Variants in MYZAP observed in about 807,000 individuals in gnomAD.
MYZAP encodes myocardial zonula adherens protein.
In MYZAP, 66 loss-of-function variants were observed where a neutral mutation model predicts 69.4. The observed-to-expected ratio is 0.95, with a 90% confidence interval of 0.78 to 1.17. MYZAP has a LOEUF of 1.17. MYZAP is among the 50% of genes most tolerant of loss of function. The pLI, the probability that MYZAP is intolerant of heterozygous loss-of-function variation, is 0.00. For missense variants in MYZAP, 611 were observed against 556.2 expected, an observed-to-expected ratio of 1.10 and a Z score of -0.99; for synonymous variants, 256 against 205.9, an observed-to-expected ratio of 1.24 and a Z score of -2.09.
intron 11 of MYZAP, among the ~76,000 whole-genome samples, chr15:57,673,346 G>C (rs1370210882): frequency 2.0e-5 from 3 of 152,134 alleles, no homozygotes; most frequent in African/African-American, 7.2e-5. Context: ...TCCAGCAAAG[G>C]CAGGCGTCTT....
At chr15:57,670,170 G>A (rs1407694202) in intron 11 of MYZAP, among the ~76,000 whole-genome samples, 1 of 151,956 alleles carries the variant, frequency 6.6e-6, no homozygotes, top group African/African-American at 2.4e-5. Context: ...CTTGGATTTT[G>A]TGTAATTGTC....
At chr15:57,675,169 C>G in intron 12 of MYZAP, 101 bp downstream of exon 12, 1 of 1,090,612 alleles carries the variant, frequency 9.2e-7, no homozygotes. Flanking sequence ...TTCTTCCTAT[C>G]ACAAATATTT....
At chr15:57,681,803 AG>A (rs2039460947) in intron 12 of MYZAP, among the ~76,000 whole-genome samples, 1 of 151,138 alleles carries the variant, frequency 6.6e-6, no homozygotes, top group Non-Finnish European at 1.5e-5. Flanking sequence ...AAAGCTATGG[AG>A]GTGTCAGAAG....
intron 2 of MYZAP, among the ~76,000 whole-genome samples, chr15:57,612,414 A>C (rs1437158394): frequency 6.6e-6 from 1 of 152,116 alleles, no homozygotes; most frequent in Non-Finnish European, 1.5e-5. Flanking sequence ...ATGCTGATTG[A>C]CCAAGGGATT....
At chr15:57,637,615 T>C in intron 8 of MYZAP, 80 bp from the exon 9 acceptor site, 2 of 1,496,676 alleles carry the variant, frequency 1.3e-6, no homozygotes, top group Middle Eastern at 4.6e-4. Context: ...TTGGACTCCC[T>C]AGTGCTAGAA....
intron 12 of MYZAP, among the ~76,000 whole-genome samples, chr15:57,675,376 C>T (rs1322215270): frequency 1.3e-5 from 2 of 152,126 alleles, no homozygotes; most frequent in African/African-American, 4.8e-5. Flanking sequence ...AGTACCTTCC[C>T]TGTGCCAGAC....
intron 2 of MYZAP, among the ~76,000 whole-genome samples, chr15:57,610,389 C>T (rs1471032080): frequency 2.0e-5 from 3 of 152,218 alleles, no homozygotes; most frequent in African/African-American, 2.4e-5. Flanking sequence ...TATACAACCT[C>T]GCGGGCTGTT....
In MYZAP at chr15:57,621,205, C is replaced by CTTTTTTTTTTTT. The variant is rs61201214; in HGVS notation, c.319-398_319-387dup. Among the ~76,000 whole-genome samples, 145 of 127,286 alleles carry CTTTTTTTTTTTT rather than the reference C, an allele frequency of 1.1e-3. 1 individual carries two copies. The highest frequency in any genetic ancestry group is 1.4e-3 in the Non-Finnish European group (86 of 61,972). The allele number at this position is 127,286 out of a possible 152,430, so 83.5% of individuals were successfully genotyped here. A position where few individuals can be genotyped will look rare whatever the true frequency, so the allele number is the denominator to read the frequency against. On this transcript the variant is annotated intron_variant, in intron 3 of 12. Transcript: ENST00000267853. ...TTATGTGGGGTCCTTCTTTCTTTTT[C>CTTTTTTTTTTTT]TTTTTTTTTTTTTTTTGTTTTTTGA...
At chr15:57,607,997 A>G (rs1030567870) in intron 2 of MYZAP, among the ~76,000 whole-genome samples, 1 of 152,160 alleles carries the variant, frequency 6.6e-6, no homozygotes, top group Non-Finnish European at 1.5e-5. Context: ...AAAACTCTGG[A>G]TGACCCTCCC....
At chr15:57,665,086 C>A (rs1328436576) in intron 11 of MYZAP, among the ~76,000 whole-genome samples, 1 of 152,216 alleles carries the variant, frequency 6.6e-6, no homozygotes, top group Admixed American at 6.5e-5. Flanking sequence ...ATCACTCTTT[C>A]TCTTTTGCTC....
At chr15:57,645,768 G>A (rs979848172) in intron 10 of MYZAP, among the ~76,000 whole-genome samples, 2 of 152,160 alleles carry the variant, frequency 1.3e-5, no homozygotes, top group Non-Finnish European at 2.9e-5. Context: ...TGGGAGTCTT[G>A]TTGGCCACAT....
At chr15:57,598,796 C>T (rs571819379) in intron 1 of MYZAP, among the ~76,000 whole-genome samples, 7 of 152,142 alleles carry the variant, frequency 4.6e-5, no homozygotes, top group African/African-American at 7.2e-5. Context: ...TGGAACTTGC[C>T]GACATCTGTG....
intron 8 of MYZAP, among the ~76,000 whole-genome samples, chr15:57,637,219 A>G (rs1461115370): frequency 1.3e-5 from 2 of 152,236 alleles, no homozygotes; most frequent in African/African-American, 4.8e-5. Context: ...GAATCAGGAC[A>G]TGGACATCTT....
intron 12 of MYZAP, among the ~76,000 whole-genome samples, chr15:57,675,976 T>G (rs1176226857): frequency 3.3e-5 from 5 of 151,924 alleles, no homozygotes; most frequent in Admixed American, 3.3e-4. Flanking sequence ...TCTAGAAAAA[T>G]GTCGAATCCT....
chr15:57,652,950 T>A (rs1244003038), intron 10 of MYZAP, among the ~76,000 whole-genome samples: 2 of 152,224 alleles, frequency 1.3e-5, no homozygotes, highest in African/African-American at 4.8e-5. Flanking sequence ...TTCATAGCCC[T>A]AGTAATCTCG....
Position 57,614,739 on chromosome 15 carries a change from G to A in MYZAP, c.163-3294G>A, listed in dbSNP as rs182945313. Among the ~76,000 whole-genome samples, 8 of 152,224 alleles carry A rather than the reference G, an allele frequency of 5.3e-5. No individual in the cohort carries two copies. The East Asian group carries it at 1.4e-3, about 26-fold the overall frequency. On this transcript the variant is annotated intron_variant, in intron 2 of 12. Transcript: ENST00000267853. ...AGACCCTGGGATGCTACATGGAGAC[G>A]TGAGTTCCAGTTGTTCTCCTGACTG...
chr15:57,600,298 G>A (rs2034328360), intron 1 of MYZAP, among the ~76,000 whole-genome samples: 1 of 152,196 alleles, frequency 6.6e-6, no homozygotes, highest in Non-Finnish European at 1.5e-5. Context: ...TTTGATCAAA[G>A]CACCTCTGTT....
chr15:57,618,091 G>A lies in MYZAP; in HGVS notation c.221G>A (p.Gly74Asp). ...AAACTTCCTCAGGGTGTTGTTTATG[G>A]TGTGGTGCGAAGATCAGATCAAAAT... is the stretch of plus-strand genomic sequence containing the variant. ...TRKLPQGVVY[G>D]VVRRSDQNQQ... The change falls in exon 3 of 13, where the codon GGT (glycine) becomes GAT (aspartate). Residue 74 changes from glycine (G) to aspartate (D), a missense_variant. Coordinates refer to ENST00000267853, the MANE Select transcript of MYZAP (RefSeq NM_001018100.5). The A allele has an allele frequency of 6.2e-7, 1 of 1,614,140 alleles. No homozygotes were observed. The highest frequency in any genetic ancestry group is 8.5e-7 in the Non-Finnish European group (1 of 1,180,016).
chr15:57,596,437 T>C (rs1307963455), intron 1 of MYZAP, among the ~76,000 whole-genome samples: 2 of 152,194 alleles, frequency 1.3e-5, no homozygotes, highest in African/African-American at 4.8e-5. Flanking sequence ...TTCTCAGCAC[T>C]CATCATGCCT....
Sources: gnomAD v4.1 joint callset for allele counts (sites outside exome capture counted in the v4.1 genomes callset) on GRCh38, gnomAD v4.1.1 for gene constraint, MANE v1.5 for transcripts, NCBI Gene and HGNC (gene_info 2026-07-23, HGNC 2026-07-21) for gene names.